The following NAALAD2 variants were observed in gnomAD, a reference collection of about 807,000 sequenced individuals.
NAALAD2 encodes the protein N-acetylated alpha-linked acidic dipeptidase 2, also known as N-acetylated-alpha-linked acidic dipeptidase 2.
Under a neutral mutation model 95.6 loss-of-function variants are expected in NAALAD2, and 89 were observed. That is an observed-to-expected ratio of 0.93 (90% CI 0.78 to 1.11). The LOEUF (loss-of-function observed/expected upper bound fraction) is 1.11, where lower values mean the gene tolerates loss of function less well. Among genes scored for constraint, NAALAD2 ranks in the 50% least tolerant of loss-of-function variants. The pLI is 0.00. For synonymous variants in NAALAD2, 264 were observed against 294.4 expected (o/e 0.90, Z 1.06); for missense variants, 894 against 872.4 (o/e 1.02, Z -0.31).
At chr11:90,180,924 G>A (rs1343574882) in intron 16 of NAALAD2, among the ~76,000 whole-genome samples, 2 of 152,102 alleles carry the variant, frequency 1.3e-5, no homozygotes, top group Non-Finnish European at 2.9e-5. Context: ...GGCATTATAA[G>A]TAATCTAGAG....
rs1027708701 is a variant in NAALAD2, at chr11:90,192,589, A to G, written c.*842A>G. On this transcript the variant is annotated 3_prime_UTR_variant, in exon 19 of 19. Transcript: ENST00000534061. ...TTTATTGTATGAAAATTAAGCCTCA[A>G]TAAACGTGATTATAAAAAACAAGTC... 4.6e-5 allele frequency: 7 copies of G among 152,026 alleles called. No individual in the cohort carries two copies. Among genetic ancestry groups the G allele is most frequent in the African/African-American group, 1.7e-4 (7 of 41,448 alleles). 9.4% of individuals were successfully genotyped at this position (152,026 alleles called of 1,614,324 possible).
rs142501634 is a variant in NAALAD2 at position 90,157,676 on chromosome 11, A to G, written c.797-469A>G. On this transcript the variant is annotated intron_variant, in intron 6 of 18. Transcript: ENST00000534061. Reference sequence around the variant, plus strand: ...TTAACATTACCTTAAAATATAAATGATTTATTAAATAAAGATGTATTAGGT... The same window carrying G: ...TTAACATTACCTTAAAATATAAATGGTTTATTAAATAAAGATGTATTAGGT... 6.0e-3 allele frequency among the ~76,000 whole-genome samples: 908 copies of G among 152,170 alleles called. 5 individuals are homozygous for G. The highest frequency in any genetic ancestry group is 0.017 in the Middle Eastern group (5 of 294).
intron 11 of NAALAD2, among the ~76,000 whole-genome samples, chr11:90,166,397 T>C (rs1037707200): frequency 7.9e-5 from 12 of 152,212 alleles, no homozygotes; most frequent in African/African-American, 2.9e-4. Context: ...CTTTTTTCTT[T>C]CACTTCATAT....
intron 16 of NAALAD2, among the ~76,000 whole-genome samples, chr11:90,179,535 C>G (rs1175014937): frequency 6.6e-6 from 1 of 151,496 alleles, no homozygotes; most frequent in Non-Finnish European, 1.5e-5. Flanking sequence ...ATACTATGGT[C>G]TAGAAAAAAA....
intron 6 of NAALAD2, 118 bp downstream of exon 6, chr11:90,152,602 AT>A: frequency 1.5e-6 from 1 of 655,690 alleles, no homozygotes; most frequent in Non-Finnish European, 2.4e-6. Context: ...CACTTATATC[AT>A]TTTGGATTAC....
intron 12 of NAALAD2, 81 bp downstream of exon 12, chr11:90,169,073 C>G: frequency 4.3e-6 from 4 of 934,284 alleles, no homozygotes; most frequent in Non-Finnish European, 1.7e-6. Flanking sequence ...AGTAGAATAC[C>G]ATCTACTAAG....
chr11:90,159,885 C>A (rs890454352), intron 8 of NAALAD2, among the ~76,000 whole-genome samples: 2 of 111,118 alleles, frequency 1.8e-5, no homozygotes, highest in African/African-American at 5.7e-5. Flanking sequence ...ACCCAGGAAG[C>A]GGAGGTTGCG....
intron 18 of NAALAD2, among the ~76,000 whole-genome samples, chr11:90,190,263 T>G (rs139474019): frequency 6.6e-6 from 1 of 152,334 alleles, no homozygotes; most frequent in Non-Finnish European, 1.5e-5. Flanking sequence ...ACAGGGAGGT[T>G]AAATAACCAG....
At chr11:90,159,675 G>A (rs920918176) in intron 8 of NAALAD2, among the ~76,000 whole-genome samples, 1 of 152,082 alleles carries the variant, frequency 6.6e-6, no homozygotes, top group Non-Finnish European at 1.5e-5. Flanking sequence ...GAAGGTGCTG[G>A]GTGTGGTGGC....
Position 90,177,967 on chromosome 11 carries a change from C to T in NAALAD2, c.1708C>T (p.Arg570Ter), listed in dbSNP as rs377463545. ...FKKQLSVAQLRGALVYELVDS... is the reference protein window; with the variant it reads ...FKKQLSVAQL ...AAAACAACTTTCTGTGGCTCAATTACGAGGAGCACTGGTATATGAGCTTGT... is the reference window on the plus strand; with the variant it reads ...AAAACAACTTTCTGTGGCTCAATTATGAGGAGCACTGGTATATGAGCTTGT... Residue 570 changes from arginine to a stop codon, truncating the protein, a stop_gained, in exon 16 of 19, where the codon CGA (arginine) becomes TGA (stop). Coordinates refer to ENST00000534061, the MANE Select transcript of NAALAD2 (RefSeq NM_005467.4). LOFTEE classifies it high-confidence loss of function. 2.6e-5 allele frequency: 42 copies of T among 1,613,604 alleles called. No individual in the cohort carries two copies. The highest frequency in any genetic ancestry group is 1.2e-4 in the African/African-American group (9 of 74,804).
At chr11:90,162,070 G>A (rs1042263617) in intron 8 of NAALAD2, among the ~76,000 whole-genome samples, 3 of 152,044 alleles carry the variant, frequency 2.0e-5, no homozygotes, top group African/African-American at 7.2e-5. Flanking sequence ...AGTTTCGGGG[G>A]CTTATTCATT....
chr11:90,169,814 G>C (rs79096145), intron 12 of NAALAD2: 1 of 404,190 alleles, frequency 2.5e-6, no homozygotes, highest in Non-Finnish European at 4.4e-6. Flanking sequence ...CCATGAGAAT[G>C]ACCCTTATAA....
chr11:90,175,928 A>ATGTGTCTG (rs1555125280), intron 14 of NAALAD2, 44 bp from the exon 15 acceptor site: 6 of 972,722 alleles, frequency 6.2e-6, no homozygotes, highest in African/African-American at 1.7e-5. Flanking sequence ...TTACTTGTTT[A>ATGTGTCTG]TGTGTGTGTG....
chr11:90,132,555 A>G (rs1951368889), upstream of NAALAD2, among the ~76,000 whole-genome samples: 1 of 152,190 alleles, frequency 6.6e-6, no homozygotes, highest in South Asian at 2.1e-4. Flanking sequence ...GTTTATATGT[A>G]CAAAAATAAC....
At chr11:90,172,550 T>C (rs1952674022) in intron 13 of NAALAD2, among the ~76,000 whole-genome samples, 1 of 152,198 alleles carries the variant, frequency 6.6e-6, no homozygotes, top group South Asian at 2.1e-4. Context: ...TTAAATTTAA[T>C]TGCCATTTTC....
chr11:90,133,531 A>G (rs1305445233), upstream of NAALAD2, among the ~76,000 whole-genome samples: 1 of 152,190 alleles, frequency 6.6e-6, no homozygotes, highest in Admixed American at 6.5e-5. Context: ...TATGAATAAC[A>G]TAGCATAAGG....
intron 8 of NAALAD2, among the ~76,000 whole-genome samples, chr11:90,161,843 G>T: frequency 6.6e-6 from 1 of 151,416 alleles, no homozygotes; most frequent in Non-Finnish European, 1.5e-5. Context: ...AGAAACACAT[G>T]CTAAACAATA....
In NAALAD2 at chr11:90,135,513, T is replaced by G. The variant is rs758051115; in HGVS notation, c.83-46T>G. On this transcript the variant is annotated intron_variant, in intron 1 of 18. Transcript: ENST00000534061. The stretch of plus-strand genomic sequence containing the variant: ...GCTTCTAGTTTTAATAAAGTCAAAG[T>G]GATTTTGTGTGTATGTGTGCATGTT... The G allele has an allele frequency of 4.4e-6, 6 of 1,354,762 alleles. No individual in the cohort carries two copies. In the South Asian group the frequency reaches 7.2e-5, roughly 16 times the overall value. The allele number at this position is 1,354,762 out of a possible 1,614,324, so 83.9% of individuals were successfully genotyped here.
chr11:90,185,656 G>A (rs761705029), intron 18 of NAALAD2, among the ~76,000 whole-genome samples: 7 of 151,982 alleles, frequency 4.6e-5, no homozygotes, highest in Non-Finnish European at 7.4e-5. Flanking sequence ...CAATCTCTAA[G>A]ATTTTTTTTC....
Sources: allele counts gnomAD v4.1 joint callset (sites outside exome capture counted in the v4.1 genomes callset), GRCh38; gene constraint gnomAD v4.1.1; transcripts MANE v1.5; gene names NCBI Gene and HGNC (gene_info 2026-07-23, HGNC 2026-07-21).